The following TFR2 variants were observed in gnomAD, a reference collection of about 807,000 sequenced individuals.
The protein encoded by TFR2 is transferrin receptor 2.
Under a neutral mutation model 91.9 loss-of-function variants are expected in TFR2, and 64 were observed. That is an observed-to-expected ratio of 0.70 (90% CI 0.57 to 0.86). TFR2 has a LOEUF of 0.86. Ranked by LOEUF, TFR2 falls within the 40% of genes least tolerant of loss-of-function variation. TFR2 has a pLI of 0.00. For missense variants in TFR2, 950 were observed against 1,080.5 expected, an observed-to-expected ratio of 0.88 and a Z score of 1.69; for synonymous variants, 454 against 459.6, an observed-to-expected ratio of 0.99 and a Z score of 0.15.
rs779069147 is a variant in TFR2, at chr7:100,621,074, C to T, written c.2189G>A (p.Arg730His). The T allele has an allele frequency of 9.7e-6, 15 of 1,551,368 alleles. No homozygotes were observed. The highest frequency in any genetic ancestry group is 2.4e-5 in the South Asian group (2 of 84,994). Residue 730 changes from arginine (R) to histidine (H), a missense_variant, in exon 18 of 18, where the codon CGC becomes CAC. Physicochemically the swap from Arg to His is conservative, Grantham distance 29. Coordinates refer to ENST00000223051, the MANE Select transcript of TFR2 (RefSeq NM_003227.4). ...GTCTCCACGGCCCATGAAGATGTGG[C>T]GGAACGGGGAGTCGGCTGGCGACAC... ...QYVSPADSPF[R>H]HIFMGRGDHT...
rs1258005368 is a variant in TFR2 at position 100,641,209 on chromosome 7, G to A, written c.53C>T (p.Ser18Phe). 2.0e-6 allele frequency: 3 copies of A among 1,535,964 alleles called. No individual in the cohort carries two copies. The South Asian group carries it at 3.7e-5, about 19-fold the overall frequency. ...CACACGCTGGTAGACGGTCTGAGAG[G>A]ATCTTGGGGACAGTTGTTGCTGTGC... Reference protein sequence around the residue: ...FQRAQQLSPRSSQTVYQRVEG... With the variant: ...FQRAQQLSPRFSQTVYQRVEG... Residue 18 changes from serine to phenylalanine, a missense_variant, in exon 2 of 18, where the codon TCC becomes TTC. Transcript: ENST00000223051.
At chr7:100,629,007 T>C (rs1018314655) in intron 10 of TFR2, among the ~76,000 whole-genome samples, 2 of 150,772 alleles carry the variant, frequency 1.3e-5, no homozygotes, top group Non-Finnish European at 3.0e-5. Context: ...AGGTGATCCA[T>C]CTGCCTCGGC....
chr7:100,636,040 C>T (rs1368877820), intron 3 of TFR2, among the ~76,000 whole-genome samples: 3 of 152,192 alleles, frequency 2.0e-5, no homozygotes, highest in Non-Finnish European at 4.4e-5. Flanking sequence ...CTCTATCTCA[C>T]CACCACCTGC....
At chr7:100,633,867 C>T (rs1803521357) in intron 3 of TFR2, among the ~76,000 whole-genome samples, 1 of 151,876 alleles carries the variant, frequency 6.6e-6, no homozygotes, top group African/African-American at 2.4e-5. Context: ...TGCCATCACG[C>T]CCGGCTAATT....
intron 3 of TFR2, among the ~76,000 whole-genome samples, chr7:100,638,151 CCG>C (rs1267710466): frequency 6.6e-6 from 1 of 151,944 alleles, no homozygotes; most frequent in African/African-American, 2.4e-5. Flanking sequence ...CTATAGGTGC[CCG>C]CCACCACGCC....
At chr7:100,641,349 G>T in intron 1 of TFR2, 121 bp from the exon 2 acceptor site, 1 of 1,315,364 alleles carries the variant, frequency 7.6e-7, no homozygotes, top group Non-Finnish European at 1.1e-6. Flanking sequence ...GGGCGTGGGG[G>T]AGGGGCAGGG....
At chr7:100,633,973 G>A (rs1012183040) in intron 3 of TFR2, among the ~76,000 whole-genome samples, 1 of 151,938 alleles carries the variant, frequency 6.6e-6, no homozygotes, top group African/African-American at 2.4e-5. Context: ...CTCCCAAAGT[G>A]CTGGCATTAC....
intron 8 of TFR2, 64 bp downstream of exon 8, chr7:100,631,742 G>A (rs1474492126): frequency 6.3e-7 from 1 of 1,575,688 alleles, no homozygotes; most frequent in African/African-American, 1.4e-5. Context: ...CAATCACCCT[G>A]TGGCCTCGCT....
At position 100,620,511 on chromosome 7, in the gene TFR2, C is replaced by T. The variant is rs977851971; in HGVS notation, c.*346G>A. ...GCCATAAGGCTATGGTGCCAGCGAT[C>T]TCTCCCACTAACAGAGCTGGCCAGG... On this transcript the variant is annotated 3_prime_UTR_variant, in exon 18 of 18. Transcript: ENST00000223051. 5 of 247,046 alleles carry T rather than the reference C, an allele frequency of 2.0e-5. No homozygotes were observed. In the East Asian group the frequency reaches 3.5e-4, roughly 17 times the overall value. 15.3% of individuals were successfully genotyped at this position (247,046 alleles called of 1,614,324 possible). A position where few individuals can be genotyped will look rare whatever the true frequency, so the allele number is the denominator to read the frequency against.
At chr7:100,623,400 A>G (rs532480172) in intron 17 of TFR2, among the ~76,000 whole-genome samples, 1 of 152,324 alleles carries the variant, frequency 6.6e-6, no homozygotes, top group East Asian at 1.9e-4. Context: ...AACACCTGAC[A>G]TCGGTCCAGT....
rs1363568002 is a variant in TFR2, at chr7:100,627,463, G to A, written c.1796C>T (p.Thr599Ile). The A allele has an allele frequency of 6.2e-7, 1 of 1,605,684 alleles. No individual in the cohort carries two copies. Among genetic ancestry groups the A allele is most frequent in the Non-Finnish European group, 8.5e-7 (1 of 1,176,260 alleles). The change falls in exon 16 of 18, where the codon ACA becomes ATA. Residue 599 changes from threonine (T) to isoleucine (I), a missense_variant. By Grantham distance (89) the Thr-to-Ile change is moderately conservative (BLOSUM62 -1). Coordinates refer to ENST00000223051, the MANE Select transcript of TFR2 (RefSeq NM_003227.4). ...CAGGTTCTCATAAGTGTCCTCCTTT[G>A]TGTGCAGGAATGGGTAGGCCTGGTC... ...EDDQAYPFLH[T>I]KEDTYENLHK...
rs376955913 is a variant in TFR2 at position 100,640,856 on chromosome 7, G to A, written c.303C>T (p.Tyr101=). ...CCTGGCAGGACCCTCGGAAGGCGAC[G>A]TAGCCCAGTAGGAAGGCTGGCGGGT... The part of the protein sequence containing the change: ...LIFTGAFLLG[Y]VAFRGSCQAC... The change falls in exon 3 of 18, where the codon TAC becomes TAT. Residue 101 remains tyrosine (Y), a synonymous_variant. Coordinates refer to ENST00000223051, the MANE Select transcript of TFR2 (RefSeq NM_003227.4). The A allele has an allele frequency of 8.7e-5, 141 of 1,614,066 alleles. No individual in the cohort carries two copies. In the Middle Eastern group the frequency reaches 2.8e-3, roughly 32 times the overall value.
chr7:100,627,723 C>T lies in TFR2; in HGVS notation c.1682+21G>A, dbSNP rs200813529. 6.4e-5 allele frequency: 103 copies of T among 1,613,936 alleles called. 1 individual carries two copies. The African/African-American group carries it at 1.2e-3, about 19-fold the overall frequency. On this transcript the variant is annotated intron_variant, in intron 14 of 17. Transcript: ENST00000223051. ...GGCTCCCCCACATCCCTCCCCAGCT[C>T]TCCCTACCCCCCCAACTTACACCTC...
intron 3 of TFR2, among the ~76,000 whole-genome samples, chr7:100,634,824 A>G (rs1377577051): frequency 2.0e-5 from 3 of 152,216 alleles, no homozygotes; most frequent in Non-Finnish European, 4.4e-5. Context: ...CAAATTACTC[A>G]TCTTGGCAGT....
At chr7:100,640,513 G>A (rs1803674904) in intron 3 of TFR2, 173 bp downstream of exon 3, 2 of 716,936 alleles carry the variant, frequency 2.8e-6, no homozygotes, top group Non-Finnish European at 4.5e-6. Context: ...CCTCAGCTCC[G>A]AATGCCTGCC....
At chr7:100,630,250 CT>C (rs1224704829) in intron 9 of TFR2, among the ~76,000 whole-genome samples, 1 of 150,846 alleles carries the variant, frequency 6.6e-6, no homozygotes, top group Admixed American at 6.6e-5. Context: ...CTCTCTCTTT[CT>C]TTCTTTTTTT....
intron 3 of TFR2, among the ~76,000 whole-genome samples, chr7:100,633,875 AT>A (rs1410099204): frequency 6.6e-6 from 1 of 151,156 alleles, no homozygotes; most frequent in Non-Finnish European, 1.5e-5. Context: ...CGCCCGGCTA[AT>A]TTTTGTATTT....
At chr7:100,632,301 C>T (rs1230894609) in intron 6 of TFR2, 103 bp from the exon 7 acceptor site, 56 of 1,085,616 alleles carry the variant, frequency 5.2e-5, no homozygotes, top group Middle Eastern at 2.8e-4. Flanking sequence ...AACTGTCCAT[C>T]CCACGGAGAG....
chr7:100,624,823 G>C (rs1803208687), intron 17 of TFR2, among the ~76,000 whole-genome samples: 1 of 151,116 alleles, frequency 6.6e-6, no homozygotes. Flanking sequence ...CGTGAGCCCA[G>C]ATCATGCTAC....
Sources: gnomAD v4.1 joint callset for allele counts (sites outside exome capture counted in the v4.1 genomes callset) on GRCh38, gnomAD v4.1.1 for gene constraint, MANE v1.5 for transcripts, NCBI Gene and HGNC (gene_info 2026-07-23, HGNC 2026-07-21) for gene names.